The following ROBO1 variants were observed in gnomAD, a reference collection of about 807,000 sequenced individuals.
ROBO1 encodes the protein roundabout homolog 1.
ROBO1 carries 149 observed loss-of-function variants against 195.9 expected under a neutral mutation model. The observed-to-expected ratio is 0.76, with a 90% CI of 0.67 to 0.87. ROBO1 has a LOEUF of 0.87. ROBO1 is among the 40% of genes least tolerant of loss of function. The probability of loss-of-function intolerance (pLI) is 0.00; values close to 1 mark genes in which losing one functional copy is unlikely to be tolerated. For synonymous variants in ROBO1, 816 were observed against 733.2 expected (o/e 1.11, Z -1.82); for missense variants, 1,933 against 2,068.3 (o/e 0.93, Z 1.27).
At chr3:79,311,194 T>A (rs1018872583) in intron 2 of ROBO1, among the ~76,000 whole-genome samples, 2 of 152,128 alleles carry the variant, frequency 1.3e-5, no homozygotes, top group African/African-American at 4.8e-5. Context: ...CTGAGGGATA[T>A]CAGATTTACT....
intron 2 of ROBO1, among the ~76,000 whole-genome samples, chr3:79,540,468 A>G (rs1428378169): frequency 6.6e-6 from 1 of 152,072 alleles, no homozygotes; most frequent in East Asian, 1.9e-4. Flanking sequence ...AATTATATCC[A>G]ATCCTATTAA....
intron 8 of ROBO1, among the ~76,000 whole-genome samples, chr3:78,697,297 C>T (rs867665476): frequency 2.6e-4 from 39 of 152,128 alleles, no homozygotes; most frequent in African/African-American, 9.4e-4. Flanking sequence ...GAAGATTCCT[C>T]TTTTATCTTC....
intron 4 of ROBO1, among the ~76,000 whole-genome samples, chr3:78,912,046 G>A (rs1050192501): frequency 6.6e-6 from 1 of 151,900 alleles, no homozygotes; most frequent in African/African-American, 2.4e-5. Flanking sequence ...CAATAACTTC[G>A]TAAGTCTGGA....
At chr3:78,605,084 C>A (rs1267686185) in intron 29 of ROBO1, among the ~76,000 whole-genome samples, 1 of 152,188 alleles carries the variant, frequency 6.6e-6, no homozygotes, top group Admixed American at 6.5e-5. Flanking sequence ...CAACTCCATA[C>A]AGGCTGGCTT....
At chr3:78,649,740 T>C (rs142351313) in intron 19 of ROBO1, among the ~76,000 whole-genome samples, 2 of 152,218 alleles carry the variant, frequency 1.3e-5, no homozygotes, top group Middle Eastern at 3.4e-3. Context: ...CAAATTACAT[T>C]TGTAATTATG....
chr3:78,731,114 AT>A (rs2082276335), intron 5 of ROBO1, among the ~76,000 whole-genome samples: 1 of 152,188 alleles, frequency 6.6e-6, no homozygotes, highest in Admixed American at 6.5e-5. Flanking sequence ...TGTAAAGAGT[AT>A]TGTAAAAACT....
intron 4 of ROBO1, among the ~76,000 whole-genome samples, chr3:78,843,544 A>G (rs1043431231): frequency 6.6e-6 from 1 of 152,062 alleles, no homozygotes; most frequent in Admixed American, 6.6e-5. Context: ...ACCTGAGACA[A>G]ACAGGTATCA....
intron 1 of ROBO1, among the ~76,000 whole-genome samples, chr3:79,615,633 C>T (rs1347919556): frequency 6.6e-6 from 1 of 152,148 alleles, no homozygotes; most frequent in East Asian, 1.9e-4. Context: ...AGGATTCACA[C>T]TACCTGATTT....
chr3:79,562,162 C>T (rs1055398228), intron 2 of ROBO1, among the ~76,000 whole-genome samples: 9 of 152,032 alleles, frequency 5.9e-5, no homozygotes, highest in Non-Finnish European at 1.3e-4. Flanking sequence ...AATGTTCTGT[C>T]TATATAGTCT....
At chr3:78,668,878 G>A (rs765355540) in intron 11 of ROBO1, among the ~76,000 whole-genome samples, 15 of 152,032 alleles carry the variant, frequency 9.9e-5, no homozygotes, top group African/African-American at 1.9e-4. Context: ...AATTTAGAGC[G>A]TTAATATTTA....
chr3:79,027,699 G>T (rs989352623), intron 3 of ROBO1, among the ~76,000 whole-genome samples: 8 of 151,990 alleles, frequency 5.3e-5, no homozygotes, highest in African/African-American at 9.7e-5. Flanking sequence ...CATTCCAAAA[G>T]AAATCATCCA....
At chr3:79,379,757 G>A (rs1480924618) in intron 2 of ROBO1, among the ~76,000 whole-genome samples, 1 of 152,050 alleles carries the variant, frequency 6.6e-6, no homozygotes, top group Non-Finnish European at 1.5e-5. Context: ...TATTATGCCA[G>A]TGGCTTTTAA....
chr3:79,447,080 T>G (rs979764228), intron 2 of ROBO1, among the ~76,000 whole-genome samples: 16 of 151,930 alleles, frequency 1.1e-4, no homozygotes, highest in African/African-American at 3.4e-4. Context: ...CCGTCCGCCT[T>G]GGCCTCCCAA....
At chr3:78,629,801 T>C (rs1487228367) in intron 25 of ROBO1, among the ~76,000 whole-genome samples, 1 of 152,172 alleles carries the variant, frequency 6.6e-6, no homozygotes, top group Non-Finnish European at 1.5e-5. Context: ...CATGGTCATA[T>C]TCCCACAGAC....
At chr3:79,651,383 G>A (rs1946002172) in intron 1 of ROBO1, among the ~76,000 whole-genome samples, 1 of 151,892 alleles carries the variant, frequency 6.6e-6, no homozygotes, top group Non-Finnish European at 1.5e-5. Context: ...TTAGGCTTAT[G>A]GTACTTCCAA....
intron 1 of ROBO1, among the ~76,000 whole-genome samples, chr3:79,669,739 A>C (rs1291021726): frequency 6.6e-6 from 1 of 151,880 alleles, no homozygotes; most frequent in Non-Finnish European, 1.5e-5. Flanking sequence ...CCTAGGGAGA[A>C]AAAAGGATAA....
At chr3:79,322,760 C>T (rs1016464320) in intron 2 of ROBO1, among the ~76,000 whole-genome samples, 1 of 151,970 alleles carries the variant, frequency 6.6e-6, no homozygotes, top group African/African-American at 2.4e-5. Context: ...TGACATATAA[C>T]GGGTATTCAA....
chr3:78,707,841 GA>G (rs766179055), intron 8 of ROBO1, among the ~76,000 whole-genome samples: 15 of 152,182 alleles, frequency 9.9e-5, no homozygotes, highest in Non-Finnish European at 2.1e-4. Flanking sequence ...CAGCCCTCAA[GA>G]GAAACAAGAA....
At chr3:79,214,834 T>A (rs1215412218) in intron 2 of ROBO1, among the ~76,000 whole-genome samples, 1 of 148,940 alleles carries the variant, frequency 6.7e-6, no homozygotes, top group African/African-American at 2.5e-5. Flanking sequence ...ATATTTTTTT[T>A]TTTTTTGAGG....
Sources: gnomAD v4.1 joint callset for allele counts (sites outside exome capture counted in the v4.1 genomes callset) on GRCh38, gnomAD v4.1.1 for gene constraint, MANE v1.5 for transcripts, NCBI Gene and HGNC (gene_info 2026-07-23, HGNC 2026-07-21) for gene names.